BAIAP3: variants seen among roughly 807,000 people sequenced by gnomAD.
BAIAP3 encodes the protein BAI1 associated protein 3.
A neutral mutation model predicts 149.7 loss-of-function variants in BAIAP3; 180 were observed. The ratio of observed to expected loss-of-function variants is 1.20; its 90% CI spans 1.07 to 1.36. The LOEUF (loss-of-function observed/expected upper bound fraction) is 1.36, where lower values mean the gene tolerates loss of function less well. BAIAP3 is among the 40% of genes most tolerant of loss of function. BAIAP3 has a pLI of 0.00. For synonymous variants in BAIAP3, 845 were observed against 670.7 expected (o/e 1.26, Z -4.02); for missense variants, 1,767 against 1,563.4 (o/e 1.13, Z -2.20).
At position 1,345,975 on chromosome 16, in the gene BAIAP3, C is replaced by A; in HGVS notation, c.2209-11C>A. On this transcript the variant is annotated splice_polypyrimidine_tract_variant and intron_variant, in intron 23 of 33. Transcript: ENST00000426824. ...GGGCTCCATGGCTCCCCACCGCCAT[C>A]CCCTCCTCAGGACGTGTGTGAGGCC... 5 of 1,599,340 alleles carry A rather than the reference C, an allele frequency of 3.1e-6. No homozygotes were observed. Among genetic ancestry groups the A allele is most frequent in the Admixed American group, 1.7e-5 (1 of 59,012 alleles).
Position 1,348,825 on chromosome 16 carries a change from G to T in BAIAP3, c.*343G>T, listed in dbSNP as rs559285623. 7.0e-6 allele frequency: 3 copies of T among 429,924 alleles called. No individual in the cohort carries two copies. The highest frequency in any genetic ancestry group is 1.3e-5 in the Non-Finnish European group (3 of 233,772). 26.6% of individuals were successfully genotyped at this position (429,924 alleles called of 1,614,324 possible). ...GCCCTGGGTGGGCGGTGGGCAGCTG[G>T]TCTCCAGGGACTCAGTGAGTGGCTG... On this transcript the variant is annotated 3_prime_UTR_variant, in exon 34 of 34. Coordinates refer to ENST00000426824, the MANE Select transcript of BAIAP3 (RefSeq NM_001199097.2).
chr16:1,338,963 G>T lies in BAIAP3; in HGVS notation c.193G>T (p.Gly65Cys). ...GCGCCTCATGCTGAAGAAGGGGGAA[G>T]GCAGACAGGGCTTGCCGTGCCTCGA... The part of the protein sequence containing the change: ...HMRLMLKKGE[G>C]RQGLPCLEVP... The change falls in exon 3 of 34, where the codon GGC becomes TGC. Residue 65 changes from glycine (G) to cysteine (C), a missense_variant. Gly to Cys is a radical substitution (Grantham distance 159, BLOSUM62 -3). Coordinates refer to ENST00000426824, the MANE Select transcript of BAIAP3 (RefSeq NM_001199097.2). The T allele has an allele frequency of 6.2e-7, 1 of 1,613,058 alleles. No homozygotes were observed. The highest frequency in any genetic ancestry group is 8.5e-7 in the Non-Finnish European group (1 of 1,179,934).
At chr16:1,336,887 G>A (rs2033490983) in intron 1 of BAIAP3, among the ~76,000 whole-genome samples, 1 of 152,196 alleles carries the variant, frequency 6.6e-6, no homozygotes, top group Non-Finnish European at 1.5e-5. Context: ...AGGGAGCACT[G>A]GCAAGGGAAG....
At chr16:1,343,168 G>A (rs531729139) in intron 14 of BAIAP3, 152 bp downstream of exon 14, 4 of 1,097,774 alleles carry the variant, frequency 3.6e-6, no homozygotes, top group Middle Eastern at 3.0e-4. Context: ...TGATTGGGCG[G>A]GAAGGGAAGG....
rs958594520 is a variant in BAIAP3 at position 1,348,031 on chromosome 16, G to A, written c.3149+14G>A. ...ACTCTTCTACTTGTGAGTGTCCTAA[G>A]CCCCAGCCCCAGCCCCAGGCTCCAG... is the stretch of plus-strand genomic sequence containing the variant. On this transcript the variant is annotated intron_variant, in intron 32 of 33. Coordinates refer to ENST00000426824, the MANE Select transcript of BAIAP3 (RefSeq NM_001199097.2). 4.4e-6 allele frequency: 7 copies of A among 1,601,124 alleles called. No homozygotes were observed. In the Admixed American group the frequency reaches 8.4e-5, roughly 19 times the overall value.
At chr16:1,343,647 G>A (rs371973134) in intron 15 of BAIAP3, 134 bp downstream of exon 15, 4 of 1,363,026 alleles carry the variant, frequency 2.9e-6, no homozygotes, top group East Asian at 5.0e-5. Context: ...ACTGTATGAC[G>A]TGGGCGAGAG....
chr16:1,346,977 C>G, intron 28 of BAIAP3, 22 bp downstream of exon 28: 5 of 1,566,132 alleles, frequency 3.2e-6, no homozygotes, highest in Non-Finnish European at 4.3e-6. Context: ...TGAAGGAGTC[C>G]TCCCCGCCGG....
rs534336351 is a variant in BAIAP3, at chr16:1,334,445, G to T, written c.-11+696G>T. 2.0e-4 allele frequency: 115 copies of T among 575,376 alleles called. 1 individual carries two copies. The highest frequency in any genetic ancestry group is 1.9e-3 in the South Asian group (91 of 47,132). 35.6% of individuals were successfully genotyped at this position (575,376 alleles called of 1,614,324 possible). A position where few individuals can be genotyped will look rare whatever the true frequency, so the allele number is the denominator to read the frequency against. On this transcript the variant is annotated intron_variant, in intron 1 of 33. Transcript: ENST00000426824. ...GGCGCCCGGGGCCCCGGGAAAGGGGGTGCCGCGAGGCGGGGCAGGGAGGGG... is the reference window on the plus strand; with the variant it reads ...GGCGCCCGGGGCCCCGGGAAAGGGGTTGCCGCGAGGCGGGGCAGGGAGGGG...
rs756224349 is a variant in BAIAP3, at chr16:1,344,233, G to A, written c.1518G>A (p.Leu506=). The A allele has an allele frequency of 1.4e-4, 232 of 1,613,346 alleles. 1 individual carries two copies. Among genetic ancestry groups the A allele is most frequent in the Non-Finnish European group, 1.9e-4 (229 of 1,179,940 alleles). ...VHRLELLLKC[L]GKLQLFQPSF... is the part of the protein sequence containing the mutation. ...GCGTGCTGCCCCCACCCAGGTGTCT[G>A]GGCAAGCTGCAGCTCTTCCAACCCT... Residue 506 remains leucine (L), a synonymous_variant, in exon 17 of 34, where the codon CTG becomes CTA. Coordinates refer to ENST00000426824, the MANE Select transcript of BAIAP3 (RefSeq NM_001199097.2).
chr16:1,342,666 C>G (rs780819185), intron 12 of BAIAP3, 32 bp downstream of exon 12: 45 of 1,609,264 alleles, frequency 2.8e-5, no homozygotes, highest in Non-Finnish European at 3.7e-5. Flanking sequence ...GTCCTCCACC[C>G]CCGTCCTTGG....
intron 29 of BAIAP3, 68 bp from the exon 30 acceptor site, chr16:1,347,477 C>T: frequency 2.5e-6 from 4 of 1,575,668 alleles, no homozygotes; most frequent in Non-Finnish European, 3.4e-6. Flanking sequence ...CACGGGCAGT[C>T]AGGTCTCCAA....
In BAIAP3 at chr16:1,343,390, C is replaced by CA; in HGVS notation, c.1266-2dup. On this transcript the variant is annotated splice_region_variant and splice_polypyrimidine_tract_variant and intron_variant, in intron 14 of 33. Transcript: ENST00000426824. ...CCCTTTGACCATGGGCCGGGCCCCA[C>CA]AGGCACTGGCAGGTCAGCAGCCGCC... 1 of 1,568,650 alleles carries CA rather than the reference C, an allele frequency of 6.4e-7. No individual in the cohort carries two copies. The highest frequency in any genetic ancestry group is 8.6e-7 in the Non-Finnish European group (1 of 1,158,964).
chr16:1,342,949 C>G lies in BAIAP3; in HGVS notation c.1198C>G (p.Pro400Ala). Residue 400 changes from proline (P) to alanine (A), a missense_variant, in exon 14 of 34, where the codon CCA (proline) becomes GCA (alanine). Physicochemically the swap from Pro to Ala is conservative, Grantham distance 27. Transcript: ENST00000426824. ...SSSWRGELST[P>A]AATILCLHGA... is the part of the protein sequence containing the mutation. ...CAGCTGGCGAGGAGAGCTCAGCACACCAGCCGCCACCATCCTCTGCCTGCA... is the reference window on the plus strand; with the variant it reads ...CAGCTGGCGAGGAGAGCTCAGCACAGCAGCCGCCACCATCCTCTGCCTGCA... 6.2e-7 allele frequency: 1 copy of G among 1,612,174 alleles called. No individual in the cohort carries two copies. Among genetic ancestry groups the G allele is most frequent in the Non-Finnish European group, 8.5e-7 (1 of 1,179,990 alleles).
At position 1,347,366 on chromosome 16, in the gene BAIAP3, C is replaced by A. The variant is rs1293290695; in HGVS notation, c.2820C>A (p.Tyr940Ter). The A allele has an allele frequency of 6.2e-7, 1 of 1,613,302 alleles. No homozygotes were observed. The highest frequency in any genetic ancestry group is 1.3e-5 in the African/African-American group (1 of 74,886). The part of the protein sequence containing the change: ...LPLESLRDGS[Y>*]KRLKEELRLH... The stretch of plus-strand genomic sequence containing the variant: ...TGGAGAGCCTGAGGGATGGAAGCTA[C>A]AAGGTGAGGTGGGACCCTCTGTGGG... Residue 940 changes from tyrosine (Y) to a stop codon, truncating the protein, a stop_gained, in exon 29 of 34, where the codon TAC becomes TAA. Transcript: ENST00000426824. LOFTEE classifies it high-confidence loss of function.
intron 1 of BAIAP3, chr16:1,334,478 A>G: frequency 1.7e-6 from 1 of 604,994 alleles, no homozygotes; most frequent in South Asian, 2.1e-5. Flanking sequence ...GGGGTCGGTG[A>G]GCAGAGGGAG....
At chr16:1,346,580 C>G (rs1238758878) in intron 26 of BAIAP3, 25 bp from the exon 27 acceptor site, 1 of 1,564,580 alleles carries the variant, frequency 6.4e-7, no homozygotes, top group East Asian at 2.4e-5. Context: ...CGGGGTAAGC[C>G]TGGCCTGACC....
At position 1,344,814 on chromosome 16, in the gene BAIAP3, G is replaced by A. The variant is rs371042943; in HGVS notation, c.1774G>A (p.Val592Ile). The A allele has an allele frequency of 9.3e-6, 15 of 1,613,688 alleles. No homozygotes were observed. Among genetic ancestry groups the A allele is most frequent in the African/African-American group, 8.0e-5 (6 of 74,936 alleles). ...GCTCTGCAGCATCCTCAATGTGGACGTCTTCACCCTGACCTTCCGGCAGCT... is the reference window on the plus strand; with the variant it reads ...GCTCTGCAGCATCCTCAATGTGGACATCTTCACCCTGACCTTCCGGCAGCT... ...SLFHSILNVDVFTLTFRQLER... is the reference protein window; with the variant it reads ...SLFHSILNVDIFTLTFRQLER... The change falls in exon 20 of 34, where the codon GTC becomes ATC. Residue 592 changes from valine to isoleucine, a missense_variant. Coordinates refer to ENST00000426824, the MANE Select transcript of BAIAP3 (RefSeq NM_001199097.2).
Position 1,347,576 on chromosome 16 carries a change from G to A in BAIAP3, c.2855G>A (p.Cys952Tyr), listed in dbSNP as rs1385041872. ...AAGGAGGAGCTGCGGCTGCACAAATGTTCCACCCGCGAGTGCATCGAGCAG... is the reference window on the plus strand; with the variant it reads ...AAGGAGGAGCTGCGGCTGCACAAATATTCCACCCGCGAGTGCATCGAGCAG... ...RLKEELRLHK[C>Y]STRECIEQFY... Residue 952 changes from cysteine to tyrosine, a missense_variant, in exon 30 of 34, where the codon TGT becomes TAT. Coordinates refer to ENST00000426824, the MANE Select transcript of BAIAP3 (RefSeq NM_001199097.2). 5 of 1,612,304 alleles carry A rather than the reference G, an allele frequency of 3.1e-6. No individual in the cohort carries two copies. The highest frequency in any genetic ancestry group is 1.3e-5 in the African/African-American group (1 of 74,936).
intron 4 of BAIAP3, 29 bp downstream of exon 4, chr16:1,339,273 G>A (rs773508188): frequency 6.5e-7 from 1 of 1,549,452 alleles, no homozygotes; most frequent in Admixed American, 2.0e-5. Flanking sequence ...ACCAGGGGCA[G>A]TCGTCTGCAG....
Sources: allele counts gnomAD v4.1 joint callset (sites outside exome capture counted in the v4.1 genomes callset), GRCh38; gene constraint gnomAD v4.1.1; transcripts MANE v1.5; gene names NCBI Gene and HGNC (gene_info 2026-07-23, HGNC 2026-07-21).